Variants in PTPRD observed in about 807,000 individuals in gnomAD.
PTPRD encodes the protein receptor-type tyrosine-protein phosphatase delta.
In PTPRD, 34 loss-of-function variants were observed where a neutral mutation model predicts 214.5. The observed-to-expected ratio is 0.16, with a 90% CI of 0.12 to 0.21. PTPRD has a LOEUF of 0.21. Ranked by LOEUF, PTPRD falls within the 10% of genes least tolerant of loss-of-function variation. The pLI is 1.00. For missense variants in PTPRD, 2,545 were observed against 2,398.7 expected (o/e 1.06, Z -1.27); for synonymous variants, 1,128 against 845.7 (o/e 1.33, Z -5.79).
chr9:9,542,363 G>T (rs1031384208), intron 8 of PTPRD, among the ~76,000 whole-genome samples: 1 of 151,554 alleles, frequency 6.6e-6, no homozygotes. Context: ...ATATATAGGA[G>T]AATATCTTCA....
intron 4 of PTPRD, among the ~76,000 whole-genome samples, chr9:9,959,781 G>C (rs1278026638): frequency 6.6e-6 from 1 of 152,188 alleles, no homozygotes; most frequent in African/African-American, 2.4e-5. Flanking sequence ...ATGGACAGCA[G>C]ATAGAACCAG....
intron 36 of PTPRD, among the ~76,000 whole-genome samples, chr9:8,398,880 T>C (rs1427846759): frequency 1.3e-5 from 2 of 152,158 alleles, no homozygotes; most frequent in South Asian, 2.1e-4. Context: ...TGTGGTATTT[T>C]GTTATAGCAG....
chr9:8,557,181 T>C (rs556940236), intron 14 of PTPRD, among the ~76,000 whole-genome samples: 17 of 151,938 alleles, frequency 1.1e-4, no homozygotes, highest in Non-Finnish European at 2.2e-4. Flanking sequence ...AACCTACTCC[T>C]TGATGAAGAT....
intron 2 of PTPRD, among the ~76,000 whole-genome samples, chr9:10,549,368 C>T (rs2060819898): frequency 6.6e-6 from 1 of 151,564 alleles, no homozygotes; most frequent in Non-Finnish European, 1.5e-5. Context: ...TAGCTTTTAA[C>T]TAAAGGAAAA....
chr9:10,317,082 A>G (rs1432701107), intron 3 of PTPRD, among the ~76,000 whole-genome samples: 2 of 152,084 alleles, frequency 1.3e-5, no homozygotes, highest in African/African-American at 4.8e-5. Context: ...TTCCGTACAC[A>G]GTGGGTTTAT....
intron 31 of PTPRD, among the ~76,000 whole-genome samples, chr9:8,466,089 A>G (rs2096539420): frequency 6.6e-6 from 1 of 151,994 alleles, no homozygotes; most frequent in Admixed American, 6.6e-5. Context: ...ATCTTTAAAT[A>G]TAGCCACATT....
At chr9:10,118,223 T>G (rs1275788155) in intron 3 of PTPRD, among the ~76,000 whole-genome samples, 1 of 151,098 alleles carries the variant, frequency 6.6e-6, no homozygotes. Flanking sequence ...TATCTATCTA[T>G]CTATCTATCT....
At chr9:9,840,761 CAAAAAAAAAAAAAAAAAAAAAAAA>C (rs59780411) in intron 5 of PTPRD, among the ~76,000 whole-genome samples, 4 of 61,622 alleles carry the variant, frequency 6.5e-5, no homozygotes, top group Admixed American at 5.8e-4. Context: ...GACTCCGTTT[CAAAAAAAAAAAAAAAAAAAAAAAA>C]AAAAAAAAAA....
intron 35 of PTPRD, among the ~76,000 whole-genome samples, chr9:8,426,968 T>C (rs2094719652): frequency 6.6e-6 from 1 of 152,058 alleles, no homozygotes; most frequent in Non-Finnish European, 1.5e-5. Flanking sequence ...TTGGATGCAA[T>C]GTTTCTTCTA....
At chr9:8,770,848 T>G (rs2095149838) in intron 11 of PTPRD, among the ~76,000 whole-genome samples, 1 of 152,154 alleles carries the variant, frequency 6.6e-6, no homozygotes, top group Admixed American at 6.6e-5. Context: ...CAGCATTCAT[T>G]GAACGGAGTA....
chr9:9,968,918 T>A (rs2094902627), intron 4 of PTPRD, among the ~76,000 whole-genome samples: 1 of 152,176 alleles, frequency 6.6e-6, no homozygotes, highest in African/African-American at 2.4e-5. Flanking sequence ...ATTGAGCAAC[T>A]ACTACTGACC....
rs1596145396 is a variant in PTPRD, at chr9:8,653,178, A to T, written c.65-16334T>A. Among the ~76,000 whole-genome samples the T allele has an allele frequency of 3.3e-5, 5 of 152,168 alleles. No homozygotes were observed. In the South Asian group the frequency reaches 8.3e-4, roughly 25 times the overall value. Reference sequence around the variant, plus strand: ...TTCAGGGCTGTTGTTTCAGAGGGAAAAAGACAAAAGAGAAATCTAAAGGGA... The same window carrying T: ...TTCAGGGCTGTTGTTTCAGAGGGAATAAGACAAAAGAGAAATCTAAAGGGA... On this transcript the variant is annotated intron_variant, in intron 12 of 45. Transcript: ENST00000381196.
At chr9:9,616,001 A>G (rs541726995) in intron 7 of PTPRD, among the ~76,000 whole-genome samples, 1 of 152,284 alleles carries the variant, frequency 6.6e-6, no homozygotes, top group African/African-American at 2.4e-5. Context: ...ATATTTTTAA[A>G]GGTTTATTAT....
intron 4 of PTPRD, among the ~76,000 whole-genome samples, chr9:9,983,685 AAAAT>A (rs1178357329): frequency 6.6e-6 from 1 of 152,260 alleles, no homozygotes; most frequent in Non-Finnish European, 1.5e-5. Context: ...TTTAAGTTAA[AAAAT>A]AAATAACTGC....
intron 5 of PTPRD, among the ~76,000 whole-genome samples, chr9:9,829,194 G>A (rs1050689006): frequency 4.6e-5 from 7 of 151,796 alleles, no homozygotes; most frequent in African/African-American, 1.7e-4. Flanking sequence ...TCAAATTGGT[G>A]TTGACATATT....
intron 2 of PTPRD, among the ~76,000 whole-genome samples, chr9:10,538,359 A>G (rs992980781): frequency 6.6e-6 from 1 of 152,010 alleles, no homozygotes; most frequent in Non-Finnish European, 1.5e-5. Flanking sequence ...TCTGTTCTCA[A>G]TGACTTTGTT....
chr9:9,845,768 C>A (rs1387837213), intron 5 of PTPRD, among the ~76,000 whole-genome samples: 1 of 151,968 alleles, frequency 6.6e-6, no homozygotes, highest in African/African-American at 2.4e-5. Flanking sequence ...ACAGACAAGA[C>A]AAAGTAAATC....
At chr9:9,813,500 A>C (rs1341773074) in intron 5 of PTPRD, among the ~76,000 whole-genome samples, 2 of 152,092 alleles carry the variant, frequency 1.3e-5, no homozygotes, top group Non-Finnish European at 2.9e-5. Context: ...CAATACACCA[A>C]TAAATTGGAT....
intron 10 of PTPRD, among the ~76,000 whole-genome samples, chr9:9,102,064 C>T (rs984712615): frequency 6.6e-6 from 1 of 152,100 alleles, no homozygotes; most frequent in Non-Finnish European, 1.5e-5. Flanking sequence ...ATAACCAGTG[C>T]TTCATTGGTA....
Sources: allele counts gnomAD v4.1 joint callset (sites outside exome capture counted in the v4.1 genomes callset), GRCh38; gene constraint gnomAD v4.1.1; transcripts MANE v1.5; gene names NCBI Gene and HGNC (gene_info 2026-07-23, HGNC 2026-07-21).